The following MAFG variants were observed in gnomAD, a reference collection of about 807,000 sequenced individuals.
MAFG encodes the protein MAF bZIP transcription factor G.
MAFG carries 3 observed loss-of-function variants against 12.2 expected under a neutral mutation model. The ratio of observed to expected loss-of-function variants is 0.25; its 90% CI spans 0.11 to 0.64. The LOEUF is 0.64. MAFG is among the 30% of genes least tolerant of loss of function. The probability of loss-of-function intolerance (pLI) is 0.85; values close to 1 mark genes in which losing one functional copy is unlikely to be tolerated. For synonymous variants in MAFG, 126 were observed against 109.1 expected (o/e 1.15, Z -0.96); for missense variants, 153 against 235.5 (o/e 0.65, Z 2.29).
At chr17:81,929,376 T>G (rs1298169234), upstream of MAFG, 1 of 151,776 alleles carries the variant, frequency 6.6e-6, no homozygotes, top group East Asian at 1.9e-4. The surrounding 1 kb of genome is among the most constrained non-coding windows in gnomAD (Gnocchi z 5.7). Context: ...ACCTGCAGAG[T>G]AGCATACGGT....
chr17:81,922,674 G>T lies in MAFG; in HGVS notation c.420C>A (p.Leu140=). ...TGGTGGCGGCCACCTTGCCTGGGACGAGGGGCCCCAGGCCGGCGGCAAGGG... is the reference window on the plus strand; with the variant it reads ...TGGTGGCGGCCACCTTGCCTGGGACTAGGGGCCCCAGGCCGGCGGCAAGGG... ...RGPLAAGLGP[L]VPGKVAATSV... is the part of the protein sequence containing the mutation. Residue 140 remains leucine, a synonymous_variant, in exon 3 of 3, where the codon CTC becomes CTA. Transcript: ENST00000357736. 6.6e-7 allele frequency: 1 copy of T among 1,507,898 alleles called. No homozygotes were observed. Among genetic ancestry groups the T allele is most frequent in the Non-Finnish European group, 8.8e-7 (1 of 1,133,522 alleles). The allele number at this position is 1,507,898 out of a possible 1,614,324, so 93.4% of individuals were successfully genotyped here. A position where few individuals can be genotyped will look rare whatever the true frequency, so the allele number is the denominator to read the frequency against.
chr17:81,925,414 C>G (rs1027546246), intron 1 of MAFG, among the ~76,000 whole-genome samples: 1 of 152,248 alleles, frequency 6.6e-6, no homozygotes, highest in Non-Finnish European at 1.5e-5. Context: ...CGAAACTCCC[C>G]GGCAGTCATG....
Position 81,922,268 on chromosome 17 carries a change from T to C in MAFG, c.*337A>G. 5.4e-6 allele frequency: 1 copy of C among 184,908 alleles called. No individual in the cohort carries two copies. The highest frequency in any genetic ancestry group is 1.9e-4 in the South Asian group (1 of 5,398). The allele number at this position is 184,908 out of a possible 1,614,324, so 11.5% of individuals were successfully genotyped here. A position where few individuals can be genotyped will look rare whatever the true frequency, so the allele number is the denominator to read the frequency against. On this transcript the variant is annotated 3_prime_UTR_variant, in exon 3 of 3. Transcript: ENST00000357736. ...GCTCGGGGACACGCGAGGCCCAGCG[T>C]GCCTGCTCCTTCTCTCTCCCGCAAC...
chr17:81,930,019 G>A (rs556634376), upstream of MAFG: 16 of 153,618 alleles, frequency 1.0e-4, no homozygotes, highest in South Asian at 1.8e-3. This position sits in a 1 kb window ranked among gnomAD's most constrained non-coding sequence, Gnocchi z 4.1. Context: ...GCACTTCCCC[G>A]GCATCCTCCC....
chr17:81,928,699 C>T (rs752036074), upstream of MAFG, among the ~76,000 whole-genome samples: 36 of 152,214 alleles, frequency 2.4e-4, no homozygotes, highest in Non-Finnish European at 3.2e-4. The surrounding 1 kb of genome is among the most constrained non-coding windows in gnomAD (Gnocchi z 8.1). Context: ...TGGACACAGC[C>T]CGAGTCTCAC....
chr17:81,923,262 A>AGC, intron 1 of MAFG, 48 bp from the exon 2 acceptor site: 1 of 361,770 alleles, frequency 2.8e-6, no homozygotes, highest in Non-Finnish European at 3.9e-6. Flanking sequence ...CCCTCGCCGC[A>AGC]CCCCCCCCCC....
At position 81,926,582 on chromosome 17, in the gene MAFG, C is replaced by T. The variant is rs911004650; in HGVS notation, c.-30+946G>A. On this transcript the variant is annotated intron_variant, in intron 1 of 2. Coordinates refer to ENST00000357736, the MANE Select transcript of MAFG (RefSeq NM_002359.4). This position sits in a 1 kb window ranked among gnomAD's most constrained non-coding sequence, Gnocchi z 4.6. ...GGCCAGTCCCAGGGAAAGCCGACTT[C>T]CCCTTTGGCTAGCTCGGCCCACCGA... Among the ~76,000 whole-genome samples, 7 of 152,140 alleles carry T rather than the reference C, an allele frequency of 4.6e-5. No individual in the cohort carries two copies. In the East Asian group the frequency reaches 7.7e-4, roughly 17 times the overall value.
At chr17:81,927,903 T>G (rs2040956030), upstream of MAFG, 1 of 152,074 alleles carries the variant, frequency 6.6e-6, no homozygotes, top group African/African-American at 2.4e-5. Context: ...CGGGCGGGCC[T>G]GGGCGCACGG....
intron 1 of MAFG, among the ~76,000 whole-genome samples, chr17:81,925,797 G>C (rs978154436): frequency 3.8e-5 from 5 of 132,088 alleles, no homozygotes; most frequent in South Asian, 4.8e-4. Context: ...AAAAGAGTGA[G>C]ACTCCGTCTC....
At position 81,922,743 on chromosome 17, in the gene MAFG, G is replaced by A. The variant is rs771368818; in HGVS notation, c.351C>T (p.Phe117=). 1.5e-5 allele frequency: 24 copies of A among 1,582,428 alleles called. No homozygotes were observed. The highest frequency in any genetic ancestry group is 2.3e-5 in the South Asian group (2 of 87,656). ...CGGGGCTGCGGGCCACCGTCCGGGCGAAGGTCTGCAGCGCCTCGTACTTGG... is the reference window on the plus strand; with the variant it reads ...CGGGGCTGCGGGCCACCGTCCGGGCAAAGGTCTGCAGCGCCTCGTACTTGG... ...LRSKYEALQT[F]ARTVARSPVA... is the part of the protein sequence containing the mutation. The change falls in exon 3 of 3, where the codon TTC becomes TTT. Residue 117 remains phenylalanine, a synonymous_variant. Transcript: ENST00000357736.
At position 81,920,361 on chromosome 17, in the gene MAFG, TATTGGATAAAA is replaced by T. The variant is rs2040877792; in HGVS notation, c.*2233_*2243del. On this transcript the variant is annotated 3_prime_UTR_variant, in exon 3 of 3. Transcript: ENST00000357736. Reference sequence around the variant, plus strand: ...ATCCTGTGGGCACACCAGGCCAAACTATTGGATAAAAATCCCACCATCCATAGGGTTAAGCC... The same window carrying T: ...ATCCTGTGGGCACACCAGGCCAAACTATCCCACCATCCATAGGGTTAAGCC... 6.6e-6 allele frequency: 1 copy of T among 152,158 alleles called. No homozygotes were observed. Among genetic ancestry groups the T allele is most frequent in the Admixed American group, 6.5e-5 (1 of 15,282 alleles). The allele number at this position is 152,158 out of a possible 1,614,324, so 9.4% of individuals were successfully genotyped here.
upstream of MAFG, chr17:81,929,906 C>T (rs550552310): frequency 1.2e-4 from 17 of 147,304 alleles, no homozygotes; most frequent in African/African-American, 4.7e-4. This position sits in a 1 kb window ranked among gnomAD's most constrained non-coding sequence, Gnocchi z 5.7. Context: ...TCCCGGGCAC[C>T]CTCCCGCCCC....
At chr17:81,929,267 G>T (rs563623321), upstream of MAFG, among the ~76,000 whole-genome samples, 8 of 152,322 alleles carry the variant, frequency 5.3e-5, no homozygotes, top group African/African-American at 1.9e-4. This position sits in a 1 kb window ranked among gnomAD's most constrained non-coding sequence, Gnocchi z 5.7. Flanking sequence ...CTGTCATAGA[G>T]ATGGGCAGGA....
At chr17:81,923,759 G>C (rs1435317389) in intron 1 of MAFG, among the ~76,000 whole-genome samples, 1 of 152,122 alleles carries the variant, frequency 6.6e-6, no homozygotes, top group Non-Finnish European at 1.5e-5. Context: ...GCATCTTCCA[G>C]GGTCCTACCT....
intron 1 of MAFG, 135 bp from the exon 2 acceptor site, chr17:81,923,349 A>C: frequency 9.2e-6 from 5 of 546,034 alleles, no homozygotes; most frequent in Non-Finnish European, 1.2e-5. Context: ...CCAGCCCCCA[A>C]TACCTGATAG....
rs1284501388 is a variant in MAFG, at chr17:81,927,606, G to C, written c.-108C>G. ...CCGAGGCCGCGCGGGGCAGGGACCGGCGCGAGGGGTCCGGGCCCGGGGCTC... is the reference window on the plus strand; with the variant it reads ...CCGAGGCCGCGCGGGGCAGGGACCGCCGCGAGGGGTCCGGGCCCGGGGCTC... On this transcript the variant is annotated 5_prime_UTR_variant, in exon 1 of 3. Transcript: ENST00000357736. 1 of 146,688 alleles carries C rather than the reference G, an allele frequency of 6.8e-6. No homozygotes were observed. The highest frequency in any genetic ancestry group is 1.5e-5 in the Non-Finnish European group (1 of 65,918). The allele number at this position is 146,688 out of a possible 1,614,324, so 9.1% of individuals were successfully genotyped here. A position where few individuals can be genotyped will look rare whatever the true frequency, so the allele number is the denominator to read the frequency against.
At position 81,927,553 on chromosome 17, in the gene MAFG, G is replaced by A. The variant is rs1471116961; in HGVS notation, c.-55C>T. ...CACACTGCGGGCCCGGCGGGCCGAGGCCGGGGCGGGGCGGGGCCGCGCGCG... is the reference window on the plus strand; with the variant it reads ...CACACTGCGGGCCCGGCGGGCCGAGACCGGGGCGGGGCGGGGCCGCGCGCG... On this transcript the variant is annotated 5_prime_UTR_variant, in exon 1 of 3. Transcript: ENST00000357736. 6.9e-6 allele frequency: 1 copy of A among 145,710 alleles called. No individual in the cohort carries two copies. The highest frequency in any genetic ancestry group is 1.5e-5 in the Non-Finnish European group (1 of 65,458). The allele number at this position is 145,710 out of a possible 1,614,324, so 9.0% of individuals were successfully genotyped here.
At position 81,919,221 on chromosome 17, in the gene MAFG, A is replaced by G. The variant is rs2040861864; in HGVS notation, c.*3384T>C. 6.6e-6 allele frequency: 1 copy of G among 152,318 alleles called. No homozygotes were observed. Among genetic ancestry groups the G allele is most frequent in the Non-Finnish European group, 1.5e-5 (1 of 68,062 alleles). 9.4% of individuals were successfully genotyped at this position (152,318 alleles called of 1,614,324 possible). ...CAAGATCCCAGAGCGGAAACGGTGC[A>G]GCAGGCTGCGGCTCCGACTTTCCAG... is the stretch of plus-strand genomic sequence containing the variant. On this transcript the variant is annotated 3_prime_UTR_variant, in exon 3 of 3. Transcript: ENST00000357736.
chr17:81,922,709 C>A lies in MAFG; in HGVS notation c.385G>T (p.Ala129Ser). The change falls in exon 3 of 3, where the codon GCC becomes TCC. Residue 129 changes from alanine (A) to serine (S), a missense_variant. This residue lies in a region of MAFG where 81 missense variants were observed against 94.7 expected (regional missense o/e 0.86). Coordinates refer to ENST00000357736, the MANE Select transcript of MAFG (RefSeq NM_002359.4). Reference sequence around the variant, plus strand: ...AGGCCGGCGGCAAGGGGGCCCCGGGCTGGCGCCACGGGGCTGCGGGCCACC... The same window carrying A: ...AGGCCGGCGGCAAGGGGGCCCCGGGATGGCGCCACGGGGCTGCGGGCCACC... ...RTVARSPVAP[A>S]RGPLAAGLGP... The A allele has an allele frequency of 6.5e-7, 1 of 1,533,390 alleles. No individual in the cohort carries two copies. Among genetic ancestry groups the A allele is most frequent in the Non-Finnish European group, 8.7e-7 (1 of 1,144,174 alleles). The allele number at this position is 1,533,390 out of a possible 1,614,324, so 95.0% of individuals were successfully genotyped here.
Sources: allele counts gnomAD v4.1 joint callset (sites outside exome capture counted in the v4.1 genomes callset), GRCh38; gene constraint gnomAD v4.1.1; regional missense constraint gnomAD v4.1.1; non-coding constraint Gnocchi (gnomAD v3.1); transcripts MANE v1.5; gene names NCBI Gene and HGNC (gene_info 2026-07-23, HGNC 2026-07-21).